Variants in EMC10 observed in about 807,000 individuals in gnomAD.
The protein encoded by EMC10 is ER membrane protein complex subunit 10.
In EMC10, 40 loss-of-function variants were observed where a neutral mutation model predicts 32.2. The observed-to-expected ratio is 1.24, with a 90% CI of 0.96 to 1.61. EMC10 has a LOEUF of 1.61. Among genes scored for constraint, EMC10 ranks in the 40% most tolerant of loss-of-function variants. The pLI, the probability that EMC10 is intolerant of heterozygous loss-of-function variation, is 0.00. For synonymous variants in EMC10, 178 were observed against 158.4 expected, an observed-to-expected ratio of 1.12 and a Z score of -0.93; for missense variants, 402 against 357.7, an observed-to-expected ratio of 1.12 and a Z score of -1.00.
In EMC10 at chr19:50,479,007, G is replaced by C. The variant is rs758158348; in HGVS notation, c.238G>C (p.Asp80His). The stretch of plus-strand genomic sequence containing the variant: ...GGGCTCACTGCTCTGGAACCAGCAG[G>C]ATGGTACCTTGTCCCTGTCACAGCG... Reference protein sequence around the residue: ...KRGSLLWNQQDGTLSLSQRQL... With the variant: ...KRGSLLWNQQHGTLSLSQRQL... Residue 80 changes from aspartate (D) to histidine (H), a missense_variant, in exon 3 of 7, where the codon GAT (aspartate) becomes CAT (histidine). By Grantham distance (81) the Asp-to-His change is moderately conservative. Transcript: ENST00000334976. 6 of 1,611,590 alleles carry C rather than the reference G, an allele frequency of 3.7e-6. No individual in the cohort carries two copies. The Admixed American group carries it at 8.3e-5, about 22-fold the overall frequency.
At chr19:50,476,855 G>T in intron 1 of EMC10, 197 bp downstream of exon 1, 1 of 474,518 alleles carries the variant, frequency 2.1e-6, no homozygotes, top group East Asian at 3.5e-5. Flanking sequence ...GACTGGGTGG[G>T]AGGACAAGCG....
intron 2 of EMC10, among the ~76,000 whole-genome samples, chr19:50,478,568 G>A (rs1016364712): frequency 6.6e-6 from 1 of 152,210 alleles, no homozygotes; most frequent in South Asian, 2.1e-4. Context: ...GTGCCCCTCT[G>A]CAAACCCTGG....
Position 50,486,020 on chromosome 19 carries a change from C to G in EMC10, c.*3761C>G, listed in dbSNP as rs1978340316. ...TATCGGCTGCGTGGCATTGCGAAAG[C>G]CTTCCTCTTCCCAGCCTAGGGTTTC... On this transcript the variant is annotated 3_prime_UTR_variant, in exon 7 of 7. Coordinates refer to ENST00000334976, the MANE Select transcript of EMC10 (RefSeq NM_206538.4). The G allele has an allele frequency of 6.6e-6, 1 of 152,186 alleles. No homozygotes were observed. Among genetic ancestry groups the G allele is most frequent in the African/African-American group, 2.4e-5 (1 of 41,438 alleles). The allele number at this position is 152,186 out of a possible 1,614,324, so 9.4% of individuals were successfully genotyped here. A position where few individuals can be genotyped will look rare whatever the true frequency, so the allele number is the denominator to read the frequency against.
chr19:50,482,878 C>T lies in EMC10; in HGVS notation c.*619C>T. The T allele has an allele frequency of 1.8e-6, 1 of 545,068 alleles. No individual in the cohort carries two copies. The allele number at this position is 545,068 out of a possible 1,614,324, so 33.8% of individuals were successfully genotyped here. ...GGGTCGTGGTTTGACATTTGTCTGC[C>T]TGGTGCAAACAAGGAATCCTTGCCT... is the stretch of plus-strand genomic sequence containing the variant. On this transcript the variant is annotated 3_prime_UTR_variant, in exon 7 of 7. Coordinates refer to ENST00000334976, the MANE Select transcript of EMC10 (RefSeq NM_206538.4).
chr19:50,482,604 A>AT lies in EMC10; in HGVS notation c.*345_*346insT. 1 of 492,520 alleles carries AT rather than the reference A, an allele frequency of 2.0e-6. No homozygotes were observed. The highest frequency in any genetic ancestry group is 3.6e-6 in the Non-Finnish European group (1 of 280,670). 30.5% of individuals were successfully genotyped at this position (492,520 alleles called of 1,614,324 possible). On this transcript the variant is annotated 3_prime_UTR_variant, in exon 7 of 7. Transcript: ENST00000334976. ...TACCCCGAGCCCATGCAGTCTGGGA[A>AT]CATGCCGCCTTCTCTCCAGCCTCTG...
intron 6 of EMC10, 46 bp downstream of exon 6, chr19:50,481,023 C>T (rs374947482): frequency 5.8e-5 from 87 of 1,488,064 alleles, no homozygotes; most frequent in African/African-American, 9.7e-5. Context: ...CTGACAGTCC[C>T]GGTGCCTGGC....
In EMC10 at chr19:50,488,951, C is replaced by A. The variant is rs1167801641; in HGVS notation, c.*6692C>A. On this transcript the variant is annotated 3_prime_UTR_variant, in exon 7 of 7. Transcript: ENST00000334976. ...GAGGGAAGAAGGGTGGGAGAGAAAA[C>A]GGAACAGAGAGGGGGCACAGACAGC... is the stretch of plus-strand genomic sequence containing the variant. 2 of 132,618 alleles carry A rather than the reference C, an allele frequency of 1.5e-5. No homozygotes were observed. Among genetic ancestry groups the A allele is most frequent in the African/African-American group, 5.8e-5 (2 of 34,460 alleles). The allele number at this position is 132,618 out of a possible 1,614,324, so 8.2% of individuals were successfully genotyped here. A position where few individuals can be genotyped will look rare whatever the true frequency, so the allele number is the denominator to read the frequency against.
chr19:50,481,998 C>G, intron 6 of EMC10, 151 bp from the exon 7 acceptor site: 10 of 1,600,648 alleles, frequency 6.2e-6, no homozygotes, highest in Admixed American at 1.7e-5. Flanking sequence ...CCCTCCCTGA[C>G]CTGTAGTGAC....
rs1978590535 is a variant in EMC10 at position 50,490,727 on chromosome 19, A to C, written c.*8468A>C. The stretch of plus-strand genomic sequence containing the variant: ...AGAGCAGGGGCGTGAGGGAGCAGGC[A>C]AGCAGGGAAGGGAAAGACAATGAGC... On this transcript the variant is annotated 3_prime_UTR_variant, in exon 7 of 7. Transcript: ENST00000334976. The C allele has an allele frequency of 6.6e-6, 1 of 152,194 alleles. No individual in the cohort carries two copies. Among genetic ancestry groups the C allele is most frequent in the African/African-American group, 2.4e-5 (1 of 41,420 alleles). 9.4% of individuals were successfully genotyped at this position (152,194 alleles called of 1,614,324 possible). A position where few individuals can be genotyped will look rare whatever the true frequency, so the allele number is the denominator to read the frequency against.
At position 50,480,518 on chromosome 19, in the gene EMC10, G is replaced by A. The variant is rs1442609929; in HGVS notation, c.403-63G>A. ...CGGGGGTCCTGTGGTGGGGGCCGGG[G>A]GAGGTTAGGGTGGAGCCCAGGCAGC... On this transcript the variant is annotated intron_variant, in intron 4 of 6. Coordinates refer to ENST00000334976, the MANE Select transcript of EMC10 (RefSeq NM_206538.4). The surrounding 1 kb of genome is among the most constrained non-coding windows in gnomAD (Gnocchi z 4.4). The A allele has an allele frequency of 2.2e-5, 33 of 1,521,028 alleles. No homozygotes were observed. The East Asian group carries it at 7.4e-4, about 34-fold the overall frequency. The allele number at this position is 1,521,028 out of a possible 1,614,324, so 94.2% of individuals were successfully genotyped here.
In EMC10 at chr19:50,476,673, G is replaced by A; in HGVS notation, c.114+15G>A. On this transcript the variant is annotated intron_variant, in intron 1 of 6. Transcript: ENST00000334976. ...GTGCGCGAGGGGTGAGTGCTCTTTA[G>A]CTGTGCATAGCGGGCGCGGTCTACG... 1 of 1,453,234 alleles carries A rather than the reference G, an allele frequency of 6.9e-7. No individual in the cohort carries two copies. Among genetic ancestry groups the A allele is most frequent in the South Asian group, 1.3e-5 (1 of 76,546 alleles). The allele number at this position is 1,453,234 out of a possible 1,614,324, so 90.0% of individuals were successfully genotyped here.
rs2040263067 is a variant in EMC10 at position 50,478,338 on chromosome 19, A to G, written c.187+337A>G. On this transcript the variant is annotated intron_variant, in intron 2 of 6. Coordinates refer to ENST00000334976, the MANE Select transcript of EMC10 (RefSeq NM_206538.4). ...ACAGCAGCCATGTGAGGTGGTAGGT[A>G]TTCGTGTCAGCCCCTTTTTCCAGAA... is the stretch of plus-strand genomic sequence containing the variant. 2.6e-5 allele frequency among the ~76,000 whole-genome samples: 4 copies of G among 152,166 alleles called. No individual in the cohort carries two copies. In the South Asian group the frequency reaches 8.3e-4, roughly 32 times the overall value.
Position 50,485,404 on chromosome 19 carries a change from G to A in EMC10, c.*3145G>A, listed in dbSNP as rs909492332. On this transcript the variant is annotated 3_prime_UTR_variant, in exon 7 of 7. Coordinates refer to ENST00000334976, the MANE Select transcript of EMC10 (RefSeq NM_206538.4). ...GCTGCCTCCTGGGCTCCTTCCCCAG[G>A]ATGTGCCTCAGGGGCCACTAAAGGA... 3 of 152,220 alleles carry A rather than the reference G, an allele frequency of 2.0e-5. No homozygotes were observed. The highest frequency in any genetic ancestry group is 1.9e-4 in the East Asian group (1 of 5,150). The allele number at this position is 152,220 out of a possible 1,614,324, so 9.4% of individuals were successfully genotyped here.
chr19:50,477,875 A>G, intron 1 of EMC10, 54 bp from the exon 2 acceptor site: 2 of 1,449,812 alleles, frequency 1.4e-6, no homozygotes, highest in Admixed American at 2.2e-5. Flanking sequence ...GTGGGTGACT[A>G]CTATGCTGAG....
At chr19:50,479,169 C>T in intron 3 of EMC10, 103 bp downstream of exon 3, 1 of 868,496 alleles carries the variant, frequency 1.2e-6, no homozygotes, top group Non-Finnish European at 1.8e-6. Flanking sequence ...CCTCCAGGCC[C>T]AGGTGGGCTC....
At position 50,484,587 on chromosome 19, in the gene EMC10, C is replaced by T. The variant is rs1417963138; in HGVS notation, c.*2328C>T. On this transcript the variant is annotated 3_prime_UTR_variant, in exon 7 of 7. Transcript: ENST00000334976. ...GTTCTGTTCTTATTAAACTTTTCTT[C>T]CCCGTCTGGCCGGTCCTTGGGGAAC... 1 of 152,154 alleles carries T rather than the reference C, an allele frequency of 6.6e-6. No homozygotes were observed. The highest frequency in any genetic ancestry group is 1.5e-5 in the Non-Finnish European group (1 of 68,044). The allele number at this position is 152,154 out of a possible 1,614,324, so 9.4% of individuals were successfully genotyped here.
chr19:50,482,889 A>G lies in EMC10; in HGVS notation c.*630A>G, dbSNP rs2040345821. 2 of 547,394 alleles carry G rather than the reference A, an allele frequency of 3.7e-6. No individual in the cohort carries two copies. Among genetic ancestry groups the G allele is most frequent in the East Asian group, 3.0e-5 (1 of 32,934 alleles). The allele number at this position is 547,394 out of a possible 1,614,324, so 33.9% of individuals were successfully genotyped here. On this transcript the variant is annotated 3_prime_UTR_variant, in exon 7 of 7. Transcript: ENST00000334976. ...TGACATTTGTCTGCCTGGTGCAAAC[A>G]AGGAATCCTTGCCTTTAAGGTGACA...
rs903643778 is a variant in EMC10, at chr19:50,482,226, GGGTGGGGGTGGT to G, written c.766_777del (p.Gly256_Gly259del). On this transcript the variant is annotated inframe_deletion, in exon 7 of 7. Transcript: ENST00000334976. The stretch of plus-strand genomic sequence containing the variant: ...ACACCGGGGGCCAGGGTGGGGGTGG[GGGTGGGGGTGGT>G]GGTGGGGGTAGTGGCCGGTGAGGGC... 1.2e-5 allele frequency: 12 copies of G among 1,040,826 alleles called. No individual in the cohort carries two copies. Among genetic ancestry groups the G allele is most frequent in the South Asian group, 6.0e-5 (4 of 66,946 alleles). The allele number at this position is 1,040,826 out of a possible 1,614,324, so 64.5% of individuals were successfully genotyped here.
In EMC10 at chr19:50,484,660, T is replaced by A. The variant is rs1035281475; in HGVS notation, c.*2401T>A. On this transcript the variant is annotated 3_prime_UTR_variant, in exon 7 of 7. Transcript: ENST00000334976. ...GACCGGGTTATCCAGGGATGAAGTATGAAACTCAAAAGATAGAGTAGGTTG... is the reference window on the plus strand; with the variant it reads ...GACCGGGTTATCCAGGGATGAAGTAAGAAACTCAAAAGATAGAGTAGGTTG... 6.6e-6 allele frequency: 1 copy of A among 152,062 alleles called. No individual in the cohort carries two copies. The highest frequency in any genetic ancestry group is 2.4e-5 in the African/African-American group (1 of 41,410). The allele number at this position is 152,062 out of a possible 1,614,324, so 9.4% of individuals were successfully genotyped here. A position where few individuals can be genotyped will look rare whatever the true frequency, so the allele number is the denominator to read the frequency against.
Sources: gnomAD v4.1 joint callset for allele counts (sites outside exome capture counted in the v4.1 genomes callset) on GRCh38, gnomAD v4.1.1 for gene constraint, Gnocchi (gnomAD v3.1) non-coding constraint, MANE v1.5 for transcripts, NCBI Gene and HGNC (gene_info 2026-07-23, HGNC 2026-07-21) for gene names.